The following CFAP299 variants were observed in gnomAD, a reference collection of about 807,000 sequenced individuals.
CFAP299 encodes the protein cilia and flagella associated protein 299.
In CFAP299, 21 loss-of-function variants were observed where a neutral mutation model predicts 27.0. That is an observed-to-expected ratio of 0.78 (90% confidence interval 0.55 to 1.12). The LOEUF is 1.12. CFAP299 is among the 50% of genes most tolerant of loss of function. The pLI is 0.00. For missense variants in CFAP299, 310 were observed against 276.6 expected (o/e 1.12, Z -0.86); for synonymous variants, 104 against 98.1 (o/e 1.06, Z -0.36).
chr4:80,704,771 G>A (rs528297193), intron 3 of CFAP299, among the ~76,000 whole-genome samples: 3 of 151,762 alleles, frequency 2.0e-5, no homozygotes, highest in African/African-American at 7.2e-5. Context: ...AACTATGTCT[G>A]CAAATGTAGC....
chr4:80,430,856 G>C (rs906652024), intron 2 of CFAP299, among the ~76,000 whole-genome samples: 1 of 152,040 alleles, frequency 6.6e-6, no homozygotes, highest in Non-Finnish European at 1.5e-5. Context: ...AGCTTTCTCC[G>C]CTTCAGCCAT....
intron 3 of CFAP299, among the ~76,000 whole-genome samples, chr4:80,842,622 T>G (rs996837802): frequency 4.6e-5 from 7 of 152,168 alleles, no homozygotes; most frequent in African/African-American, 1.2e-4. Flanking sequence ...CTAATAACAA[T>G]AGCCGAGGCT....
chr4:80,546,681 A>G lies in CFAP299; in HGVS notation c.243-36412A>G, dbSNP rs562847434. ...GTTCTTGTGAGATCTGGTTGTTGTA[A>G]TGTGTGGCACTTCACTCCTACTCTC... On this transcript the variant is annotated intron_variant, in intron 2 of 5. Coordinates refer to ENST00000358105, the MANE Select transcript of CFAP299 (RefSeq NM_152770.3). Among the ~76,000 whole-genome samples, 9 of 152,046 alleles carry G rather than the reference A, an allele frequency of 5.9e-5. No homozygotes were observed. The East Asian group carries it at 1.7e-3, about 30-fold the overall frequency.
intron 3 of CFAP299, among the ~76,000 whole-genome samples, chr4:80,698,257 G>T (rs1721238138): frequency 6.6e-6 from 1 of 152,090 alleles, no homozygotes; most frequent in Non-Finnish European, 1.5e-5. Flanking sequence ...TGTCCCATGG[G>T]TAAGTACCCC....
chr4:80,435,888 A>G (rs1311951894), intron 2 of CFAP299, among the ~76,000 whole-genome samples: 1 of 152,192 alleles, frequency 6.6e-6, no homozygotes, highest in Non-Finnish European at 1.5e-5. Context: ...GTGCTGGGGA[A>G]ATATAAACTT....
intron 2 of CFAP299, among the ~76,000 whole-genome samples, chr4:80,395,064 A>T (rs2110041512): frequency 6.6e-6 from 1 of 152,082 alleles, no homozygotes; most frequent in Admixed American, 6.6e-5. Flanking sequence ...TGAACATGTG[A>T]TATCTTTTTA....
intron 2 of CFAP299, among the ~76,000 whole-genome samples, chr4:80,448,368 A>G (rs1728743925): frequency 6.6e-6 from 1 of 152,214 alleles, no homozygotes; most frequent in African/African-American, 2.4e-5. Flanking sequence ...TTTATACAAT[A>G]GTAAGTTTGA....
At chr4:80,751,592 C>G (rs1473838285) in intron 3 of CFAP299, among the ~76,000 whole-genome samples, 1 of 152,184 alleles carries the variant, frequency 6.6e-6, no homozygotes, top group African/African-American at 2.4e-5. Context: ...CAAGATCCCA[C>G]TCAAAGAAGC....
At chr4:80,383,195 G>C (rs367615524) in intron 2 of CFAP299, among the ~76,000 whole-genome samples, 7 of 152,042 alleles carry the variant, frequency 4.6e-5, no homozygotes, top group African/African-American at 1.7e-4. Context: ...TGGAGGGTGG[G>C]AGGGGGAAGA....
chr4:80,425,936 G>C (rs372355861), intron 2 of CFAP299, among the ~76,000 whole-genome samples: 2 of 152,242 alleles, frequency 1.3e-5, no homozygotes, highest in East Asian at 3.9e-4. Flanking sequence ...CATCTCACCA[G>C]AAATGCTTCA....
intron 3 of CFAP299, among the ~76,000 whole-genome samples, chr4:80,821,233 A>C (rs1178238689): frequency 1.3e-5 from 2 of 152,182 alleles, no homozygotes; most frequent in African/African-American, 4.8e-5. Context: ...TGTGCATTAT[A>C]ATTTAGAAAT....
At chr4:80,343,594 C>A (rs1160995267) in intron 1 of CFAP299, among the ~76,000 whole-genome samples, 1 of 151,928 alleles carries the variant, frequency 6.6e-6, no homozygotes, top group African/African-American at 2.4e-5. Flanking sequence ...TCGAGACCAT[C>A]CTGGCTAACA....
intron 3 of CFAP299, among the ~76,000 whole-genome samples, chr4:80,701,618 A>G (rs1426874243): frequency 1.3e-5 from 2 of 151,968 alleles, no homozygotes; most frequent in East Asian, 1.9e-4. Context: ...TTTTCCCACA[A>G]AAGTTTGAGT....
rs149246250 is a variant in CFAP299 at position 80,400,918 on chromosome 4, T to G, written c.242+38034T>G. Among the ~76,000 whole-genome samples, 941 of 152,318 alleles carry G rather than the reference T, an allele frequency of 6.2e-3. 2 individuals carry two copies. Among genetic ancestry groups the G allele is most frequent in the Middle Eastern group, 0.024 (7 of 294 alleles). ...AATAAGGTCCAGGCTGAGATGGTCT[T>G]AGATGGAGATGAGCAACTTGTTGGG... On this transcript the variant is annotated intron_variant, in intron 2 of 5. Coordinates refer to ENST00000358105, the MANE Select transcript of CFAP299 (RefSeq NM_152770.3).
At chr4:80,729,465 A>T (rs1429984919) in intron 3 of CFAP299, among the ~76,000 whole-genome samples, 1 of 152,128 alleles carries the variant, frequency 6.6e-6, no homozygotes, top group Admixed American at 6.6e-5. Context: ...TTGTATTATA[A>T]AAAGACCGTG....
chr4:80,387,133 G>T, intron 2 of CFAP299: 1 of 1,420,830 alleles, frequency 7.0e-7, no homozygotes, highest in Non-Finnish European at 9.9e-7. Context: ...TGACACGTTT[G>T]ACACACTTGT....
chr4:80,388,806 T>A lies in CFAP299; in HGVS notation c.242+25922T>A, dbSNP rs930701876. On this transcript the variant is annotated intron_variant, in intron 2 of 5. Coordinates refer to ENST00000358105, the MANE Select transcript of CFAP299 (RefSeq NM_152770.3). ...TGTTAGTCATACCTGCAAACAATGA[T>A]GTTTCTATTTCTTCTCTTCCAATCA... 4 of 418,262 alleles carry A rather than the reference T, an allele frequency of 9.6e-6. 1 individual carries two copies. The South Asian group carries it at 1.5e-4, about 16-fold the overall frequency. The allele number at this position is 418,262 out of a possible 1,614,324, so 25.9% of individuals were successfully genotyped here.
chr4:80,482,270 G>T (rs1469972652), intron 2 of CFAP299, among the ~76,000 whole-genome samples: 3 of 151,548 alleles, frequency 2.0e-5, no homozygotes, highest in African/African-American at 7.3e-5. Flanking sequence ...CTCTGACCAT[G>T]AACAGGTATT....
At chr4:80,378,060 CA>C (rs1724505879) in intron 2 of CFAP299, among the ~76,000 whole-genome samples, 1 of 152,178 alleles carries the variant, frequency 6.6e-6, no homozygotes. Flanking sequence ...GTCCCTCCCA[CA>C]ACACCTGGGA....
Sources: gnomAD v4.1 joint callset for allele counts (sites outside exome capture counted in the v4.1 genomes callset) on GRCh38, gnomAD v4.1.1 for gene constraint, MANE v1.5 for transcripts, NCBI Gene and HGNC (gene_info 2026-07-23, HGNC 2026-07-21) for gene names.